Variants in AP3B1 observed in about 807,000 individuals in gnomAD.
AP3B1 encodes the protein AP-3 complex subunit beta-1.
A neutral mutation model predicts 132.5 loss-of-function variants in AP3B1; 61 were observed. The observed-to-expected ratio is 0.46, with a 90% CI of 0.37 to 0.57. The LOEUF (loss-of-function observed/expected upper bound fraction) is 0.57, where lower values mean the gene tolerates loss of function less well. Ranked by LOEUF, AP3B1 falls within the 20% of genes least tolerant of loss-of-function variation. The probability of loss-of-function intolerance (pLI) is 0.00; values close to 1 mark genes in which losing one functional copy is unlikely to be tolerated. For missense variants in AP3B1, 1,120 were observed against 1,289.4 expected, an observed-to-expected ratio of 0.87 and a Z score of 2.01; for synonymous variants, 388 against 438.3, an observed-to-expected ratio of 0.89 and a Z score of 1.43.
chr5:78,278,625 A>AAAAT (rs1561217252), intron 1 of AP3B1, among the ~76,000 whole-genome samples: 8 of 52,268 alleles, frequency 1.5e-4, no homozygotes, highest in African/African-American at 4.9e-4. Context: ...AAAAAAAAAA[A>AAAAT]GGGGGGGGGG....
chr5:78,188,419 T>A (rs1744691046), intron 7 of AP3B1, among the ~76,000 whole-genome samples: 1 of 152,028 alleles, frequency 6.6e-6, no homozygotes, highest in African/African-American at 2.4e-5. Flanking sequence ...AGTGGGCAAA[T>A]GGTATGAACA....
At chr5:78,221,283 T>C (rs1372539980) in intron 6 of AP3B1, among the ~76,000 whole-genome samples, 2 of 152,024 alleles carry the variant, frequency 1.3e-5, no homozygotes, top group Non-Finnish European at 2.9e-5. Flanking sequence ...AAGATGCAAG[T>C]AATCTGTAAG....
chr5:78,134,445 T>C (rs181053117), intron 15 of AP3B1, among the ~76,000 whole-genome samples: 6 of 152,342 alleles, frequency 3.9e-5, no homozygotes. Context: ...TACAAACAAA[T>C]ATGTTTGGTA....
At chr5:78,227,213 A>G (rs1446466860) in intron 5 of AP3B1, among the ~76,000 whole-genome samples, 159 bp downstream of exon 5, 2 of 152,154 alleles carry the variant, frequency 1.3e-5, no homozygotes, top group African/African-American at 4.8e-5. Context: ...AAGATGTGTA[A>G]GGAACATTTG....
chr5:78,016,614 T>G (rs1005856954), intron 25 of AP3B1, among the ~76,000 whole-genome samples: 1 of 152,096 alleles, frequency 6.6e-6, no homozygotes, highest in Non-Finnish European at 1.5e-5. Context: ...TTAATTTAGT[T>G]ATTTATTGCA....
chr5:78,101,430 T>C lies in AP3B1; in HGVS notation c.2398-405A>G, dbSNP rs79358678. 1.8e-3 allele frequency: 708 copies of C among 385,632 alleles called. 19 individuals carry two copies. The East Asian group carries it at 0.051, about 28-fold the overall frequency. The allele number at this position is 385,632 out of a possible 1,614,324, so 23.9% of individuals were successfully genotyped here. On this transcript the variant is annotated intron_variant, in intron 20 of 26. Transcript: ENST00000255194. ...AACATATGCATAGCTCAGATATTTTTGATGGGCTTGTGATAGGTCAGCCTT... is the reference window on the plus strand; with the variant it reads ...AACATATGCATAGCTCAGATATTTTCGATGGGCTTGTGATAGGTCAGCCTT...
intron 2 of AP3B1, among the ~76,000 whole-genome samples, chr5:78,256,144 A>G (rs2112543801): frequency 6.6e-6 from 1 of 152,176 alleles, no homozygotes; most frequent in Non-Finnish European, 1.5e-5. Flanking sequence ...ACAAAACACA[A>G]AATTAGTAGA....
At chr5:78,051,822 T>C (rs1748596726) in intron 22 of AP3B1, among the ~76,000 whole-genome samples, 1 of 152,178 alleles carries the variant, frequency 6.6e-6, no homozygotes, top group Non-Finnish European at 1.5e-5. Context: ...AGAAAATAGC[T>C]ATAAACAGAG....
At chr5:78,005,732 A>T (rs1350409019) in intron 26 of AP3B1, among the ~76,000 whole-genome samples, 5 of 152,218 alleles carry the variant, frequency 3.3e-5, no homozygotes, top group African/African-American at 1.2e-4. Context: ...CACAGTTCAG[A>T]AAGGATATAT....
intron 22 of AP3B1, among the ~76,000 whole-genome samples, chr5:78,048,222 C>T (rs955581659): frequency 3.3e-5 from 5 of 152,088 alleles, no homozygotes; most frequent in African/African-American, 1.2e-4. Context: ...TTCTGATAGC[C>T]GACAACAAAG....
At chr5:78,135,280 C>G (rs1246076129) in intron 15 of AP3B1, among the ~76,000 whole-genome samples, 1 of 152,092 alleles carries the variant, frequency 6.6e-6, no homozygotes, top group East Asian at 1.9e-4. Flanking sequence ...TAAATTATAT[C>G]TACACATATC....
intron 22 of AP3B1, among the ~76,000 whole-genome samples, chr5:78,059,790 T>C (rs1748965656): frequency 6.6e-6 from 1 of 152,194 alleles, no homozygotes; most frequent in African/African-American, 2.4e-5. Flanking sequence ...CATCATTAAA[T>C]TGAGGCTTCA....
intron 22 of AP3B1, among the ~76,000 whole-genome samples, chr5:78,063,226 A>C (rs1749135674): frequency 6.6e-6 from 1 of 152,232 alleles, no homozygotes; most frequent in Non-Finnish European, 1.5e-5. Context: ...CAACAAAATA[A>C]AGATCATTTC....
At chr5:78,141,461 A>T in intron 14 of AP3B1, 142 bp from the exon 15 acceptor site, 1 of 654,320 alleles carries the variant, frequency 1.5e-6, no homozygotes, top group Non-Finnish European at 2.6e-6. Context: ...TGTATTTATG[A>T]ATTTTCGTCA....
At chr5:78,170,277 T>C (rs1743855946) in intron 11 of AP3B1, among the ~76,000 whole-genome samples, 2 of 152,204 alleles carry the variant, frequency 1.3e-5, no homozygotes, top group African/African-American at 2.4e-5. Context: ...TACTCAGTAA[T>C]GGGATCACTG....
At chr5:78,156,519 A>G (rs1327470995) in intron 13 of AP3B1, 152 bp from the exon 14 acceptor site, 5 of 643,932 alleles carry the variant, frequency 7.8e-6, no homozygotes, top group Non-Finnish European at 1.1e-5. Flanking sequence ...TGCGCTTCCA[A>G]ATTTGAGGTG....
chr5:78,219,008 C>A (rs962116020), intron 6 of AP3B1, among the ~76,000 whole-genome samples: 4 of 152,080 alleles, frequency 2.6e-5, no homozygotes, highest in African/African-American at 7.2e-5. Context: ...GTTTTTTGCA[C>A]ATAACGGTGG....
At chr5:78,234,530 T>G (rs908615945) in intron 3 of AP3B1, among the ~76,000 whole-genome samples, 1 of 152,214 alleles carries the variant, frequency 6.6e-6, no homozygotes, top group African/African-American at 2.4e-5. Context: ...CGTGGTTGAC[T>G]GATTAACAGC....
At chr5:78,038,976 T>C (rs763355104) in intron 23 of AP3B1, 67 bp downstream of exon 23, 54 of 963,040 alleles carry the variant, frequency 5.6e-5, no homozygotes, top group Non-Finnish European at 7.9e-5. Context: ...TATTCTACTT[T>C]ACTTTTAAAA....
Sources: gnomAD v4.1 joint callset for allele counts (sites outside exome capture counted in the v4.1 genomes callset) on GRCh38, gnomAD v4.1.1 for gene constraint, MANE v1.5 for transcripts, NCBI Gene and HGNC (gene_info 2026-07-23, HGNC 2026-07-21) for gene names.